SMG9: variants seen among roughly 807,000 people sequenced by gnomAD.
SMG9 encodes SMG9 nonsense mediated mRNA decay factor.
In SMG9, 55 loss-of-function variants were observed where a neutral mutation model predicts 64.0. The ratio of observed to expected loss-of-function variants is 0.86; its 90% CI spans 0.69 to 1.08. The LOEUF (loss-of-function observed/expected upper bound fraction) is 1.08. SMG9 is among the 50% of genes least tolerant of loss of function. The pLI is 0.00. For missense variants in SMG9, 554 were observed against 681.3 expected (o/e 0.81, Z 2.08); for synonymous variants, 244 against 254.8 (o/e 0.96, Z 0.41).
Position 43,731,613 on chromosome 19 carries a change from T to C in SMG9, c.1546A>G (p.Ser516Gly), listed in dbSNP as rs775798215. 3.1e-6 allele frequency: 5 copies of C among 1,614,258 alleles called. No individual in the cohort carries two copies. The Admixed American group carries it at 5.0e-5, about 16-fold the overall frequency. ...VRKSSALAEY[S>G]RLLA Reference sequence around the variant, plus strand: ...CCTTGGCCTCAGGCCAGCAGGCGGCTGTACTCTGCCAGAGCAGAGGACTTT... The same window carrying C: ...CCTTGGCCTCAGGCCAGCAGGCGGCCGTACTCTGCCAGAGCAGAGGACTTT... Residue 516 changes from serine to glycine, a missense_variant, in exon 14 of 14, where the codon AGC becomes GGC. Coordinates refer to ENST00000270066, the MANE Select transcript of SMG9 (RefSeq NM_019108.4).
At chr19:43,751,248 C>T (rs1969185012) in intron 1 of SMG9, among the ~76,000 whole-genome samples, 1 of 152,062 alleles carries the variant, frequency 6.6e-6, no homozygotes, top group Admixed American at 6.5e-5. Flanking sequence ...ATTCTCCTGC[C>T]TCAGTCTCCT....
intron 9 of SMG9, 88 bp downstream of exon 9, chr19:43,737,509 C>T (rs1340998527): frequency 1.9e-5 from 22 of 1,164,670 alleles, no homozygotes; most frequent in Middle Eastern, 3.9e-4. Context: ...CCTCTGGCTG[C>T]TGTCCCTTGA....
At chr19:43,736,875 C>T (rs1315009640) in intron 9 of SMG9, among the ~76,000 whole-genome samples, 2 of 152,070 alleles carry the variant, frequency 1.3e-5, no homozygotes, top group Non-Finnish European at 2.9e-5. Context: ...GGCACGAGGG[C>T]GAGAGTCTGA....
chr19:43,749,790 G>A (rs1182487342), intron 2 of SMG9, among the ~76,000 whole-genome samples: 1 of 152,228 alleles, frequency 6.6e-6, no homozygotes, highest in African/African-American at 2.4e-5. Flanking sequence ...CTGATTCCCA[G>A]CCCAGGGCGC....
chr19:43,735,614 C>CAAAAAAA (rs889721095), intron 9 of SMG9, among the ~76,000 whole-genome samples: 20 of 51,532 alleles, frequency 3.9e-4, no homozygotes, highest in African/African-American at 1.4e-3. Flanking sequence ...GACTCTGTCT[C>CAAAAAAA]AAAAAAAAAA....
At position 43,734,377 on chromosome 19, in the gene SMG9, A is replaced by G; in HGVS notation, c.1102+12T>C. 6.5e-7 allele frequency: 1 copy of G among 1,548,810 alleles called. No homozygotes were observed. The highest frequency in any genetic ancestry group is 8.7e-7 in the Non-Finnish European group (1 of 1,144,632). ...TCCTGCCCACCCCTCCAGTCCCCAG[A>G]AAGCCTCTCACCTAGGTGGGGGTAG... On this transcript the variant is annotated intron_variant, in intron 10 of 13. Transcript: ENST00000270066.
chr19:43,740,027 G>T (rs766860166), intron 7 of SMG9, 80 bp downstream of exon 7: 5 of 1,010,554 alleles, frequency 4.9e-6, no homozygotes, highest in Non-Finnish European at 4.8e-6. Flanking sequence ...ATCCACGCAG[G>T]GTTCTGGCTT....
intron 13 of SMG9, 42 bp downstream of exon 13, chr19:43,732,816 G>A: frequency 6.2e-7 from 1 of 1,612,384 alleles, no homozygotes; most frequent in Non-Finnish European, 8.5e-7. Flanking sequence ...CTACACCAGG[G>A]TGGGGTGCCT....
At chr19:43,733,758 T>G in intron 10 of SMG9, 25 bp from the exon 11 acceptor site, 12 of 1,575,552 alleles carry the variant, frequency 7.6e-6, no homozygotes, top group South Asian at 1.1e-5. Context: ...AGACGGGCCC[T>G]GTCAGGCAGA....
rs777921416 is a variant in SMG9 at position 43,733,701 on chromosome 19, A to T, written c.1135T>A (p.Phe379Ile). 6.2e-7 allele frequency: 1 copy of T among 1,614,174 alleles called. No individual in the cohort carries two copies. Among genetic ancestry groups the T allele is most frequent in the Non-Finnish European group, 8.5e-7 (1 of 1,180,042 alleles). Residue 379 changes from phenylalanine (F) to isoleucine (I), a missense_variant, in exon 11 of 14, where the codon TTC becomes ATC. Phe to Ile is a conservative substitution (Grantham distance 21). Transcript: ENST00000270066. ...FLQNKARRED[F>I]CPRKLRQMHL... Reference sequence around the variant, plus strand: ...ATCTGCCGCAGCTTCCGAGGACAGAAGTCCTCTCGGCGAGCTTTGTTCTGC... The same window carrying T: ...ATCTGCCGCAGCTTCCGAGGACAGATGTCCTCTCGGCGAGCTTTGTTCTGC...
At position 43,747,748 on chromosome 19, in the gene SMG9, T is replaced by C; in HGVS notation, c.375A>G (p.Pro125=). The change falls in exon 4 of 14, where the codon CCA becomes CCG. Residue 125 remains proline (P), a synonymous_variant. Coordinates refer to ENST00000270066, the MANE Select transcript of SMG9 (RefSeq NM_019108.4). ...GASTPEGTAP[P]PPAAPAPPKG... is the part of the protein sequence containing the mutation. Reference sequence around the variant, plus strand: ...TGGGTGGCGCAGGGGCTGCAGGGGGTGGTGGGGCGGTGCCCTCAGGGGTAG... The same window carrying C: ...TGGGTGGCGCAGGGGCTGCAGGGGGCGGTGGGGCGGTGCCCTCAGGGGTAG... The C allele has an allele frequency of 6.2e-7, 1 of 1,608,312 alleles. No individual in the cohort carries two copies. Among genetic ancestry groups the C allele is most frequent in the Non-Finnish European group, 8.5e-7 (1 of 1,178,018 alleles).
intron 9 of SMG9, among the ~76,000 whole-genome samples, chr19:43,737,130 G>T (rs1010373167): frequency 1.9e-4 from 29 of 152,144 alleles, no homozygotes; most frequent in African/African-American, 6.8e-4. Context: ...AAAATTAGCT[G>T]GGCATGGTGG....
intron 1 of SMG9, among the ~76,000 whole-genome samples, chr19:43,752,137 T>G (rs999589497): frequency 1.3e-5 from 2 of 152,220 alleles, no homozygotes; most frequent in African/African-American, 4.8e-5. Flanking sequence ...TCACCTGGTA[T>G]CCCACTACAT....
In SMG9 at chr19:43,733,627, C is replaced by T; in HGVS notation, c.1209G>A (p.Lys403=). Residue 403 remains lysine, a splice_region_variant and synonymous_variant, in exon 11 of 14, where the codon AAG becomes AAA. Coordinates refer to ENST00000270066, the MANE Select transcript of SMG9 (RefSeq NM_019108.4). ...QLMAHSHLRY[K]GTLSMLQCNV... is the part of the protein sequence containing the mutation. ...GGGGGGTGATGTGGGAACCCTTACC[C>T]TTGTAACGCAGGTGGGAGTGGGCCA... The T allele has an allele frequency of 1.9e-6, 3 of 1,614,010 alleles. No individual in the cohort carries two copies. The highest frequency in any genetic ancestry group is 2.5e-6 in the Non-Finnish European group (3 of 1,179,956).
At chr19:43,751,573 C>T (rs1040021230) in intron 1 of SMG9, among the ~76,000 whole-genome samples, 6 of 152,262 alleles carry the variant, frequency 3.9e-5, no homozygotes, top group Admixed American at 2.0e-4. Flanking sequence ...GAACAAACTT[C>T]TCATCCTTGT....
chr19:43,741,186 G>A (rs556401022), intron 6 of SMG9, among the ~76,000 whole-genome samples: 12 of 152,338 alleles, frequency 7.9e-5, no homozygotes, highest in African/African-American at 2.2e-4. Flanking sequence ...AAGAAGAGGC[G>A]TGCAGTGCTC....
rs139903238 is a variant in SMG9, at chr19:43,738,385, T to C, written c.814-168A>G. Among the ~76,000 whole-genome samples the C allele has an allele frequency of 1.6e-4, 25 of 152,306 alleles. No homozygotes were observed. The East Asian group carries it at 4.8e-3, about 29-fold the overall frequency. ...GAAAAAAAACTCAAAGCTGATACAC[T>C]TTTCCAGCTCCTTTACAAATCACTG... On this transcript the variant is annotated intron_variant, in intron 7 of 13. Transcript: ENST00000270066.
chr19:43,753,750 C>A (rs892658798), intron 1 of SMG9, among the ~76,000 whole-genome samples: 1 of 152,106 alleles, frequency 6.6e-6, no homozygotes, highest in South Asian at 2.1e-4. Flanking sequence ...GGTAAGCCAC[C>A]GCACCTGGCC....
Position 43,731,067 on chromosome 19 carries a change from T to A in SMG9, c.*529A>T. ...ACTTCTTAGCAGAGACTGATCTCCA[T>A]CTGCCCGCAAGGGCTGGGTGTCCAA... On this transcript the variant is annotated 3_prime_UTR_variant, in exon 14 of 14. Coordinates refer to ENST00000270066, the MANE Select transcript of SMG9 (RefSeq NM_019108.4). 1 of 966,384 alleles carries A rather than the reference T, an allele frequency of 1.0e-6. No homozygotes were observed. Among genetic ancestry groups the A allele is most frequent in the Non-Finnish European group, 1.2e-6 (1 of 812,510 alleles). 59.9% of individuals were successfully genotyped at this position (966,384 alleles called of 1,614,324 possible).
Sources: allele counts gnomAD v4.1 joint callset (sites outside exome capture counted in the v4.1 genomes callset), GRCh38; gene constraint gnomAD v4.1.1; transcripts MANE v1.5; gene names NCBI Gene and HGNC (gene_info 2026-07-23, HGNC 2026-07-21).